The following ATG4C variants were observed in gnomAD, a reference collection of about 807,000 sequenced individuals.
ATG4C encodes the protein autophagy related 4C cysteine peptidase.
A neutral mutation model predicts 57.6 loss-of-function variants in ATG4C; 56 were observed. The ratio of observed to expected loss-of-function variants is 0.97; its 90% CI spans 0.78 to 1.21. ATG4C has a LOEUF of 1.21. Ranked by LOEUF, ATG4C falls within the 50% of genes most tolerant of loss-of-function variation. The probability of loss-of-function intolerance (pLI) is 0.00; values close to 1 mark genes in which losing one functional copy is unlikely to be tolerated. For synonymous variants in ATG4C, 157 were observed against 174.1 expected, an observed-to-expected ratio of 0.90 and a Z score of 0.78; for missense variants, 595 against 529.8, an observed-to-expected ratio of 1.12 and a Z score of -1.21.
chr1:62,792,242 G>A (rs1664300717), intron 1 of ATG4C, among the ~76,000 whole-genome samples: 1 of 152,020 alleles, frequency 6.6e-6, no homozygotes, highest in African/African-American at 2.4e-5. Flanking sequence ...TGATCCACCC[G>A]CCTCGGCCTC....
At chr1:62,805,404 T>C (rs964663686) in intron 3 of ATG4C, 149 bp downstream of exon 3, 3 of 1,190,200 alleles carry the variant, frequency 2.5e-6, no homozygotes, top group African/African-American at 1.6e-5. Flanking sequence ...ACTATGTTGT[T>C]TGGGTTTCTT....
At chr1:62,803,679 A>G (rs1009127924) in intron 1 of ATG4C, 40 bp from the exon 2 acceptor site, 4 of 616,956 alleles carry the variant, frequency 6.5e-6, no homozygotes, top group Non-Finnish European at 1.1e-5. Flanking sequence ...ATGTAACCAT[A>G]TATGTAGTAA....
intron 9 of ATG4C, among the ~76,000 whole-genome samples, chr1:62,838,649 G>A (rs1396242326): frequency 6.6e-6 from 1 of 151,994 alleles, no homozygotes; most frequent in African/African-American, 2.4e-5. Context: ...GCGTGGTGGT[G>A]CGCACCTGTA....
At chr1:62,830,334 T>A (rs1372829160) in intron 7 of ATG4C, among the ~76,000 whole-genome samples, 3 of 152,142 alleles carry the variant, frequency 2.0e-5, no homozygotes, top group Non-Finnish European at 2.9e-5. Context: ...GTTTTGAGAC[T>A]TCTGACATGT....
At chr1:62,826,392 T>G (rs1665656439) in intron 6 of ATG4C, among the ~76,000 whole-genome samples, 1 of 151,578 alleles carries the variant, frequency 6.6e-6, no homozygotes, top group Non-Finnish European at 1.5e-5. Flanking sequence ...CCCGCCACCA[T>G]GCCTGGCTAA....
intron 10 of ATG4C, among the ~76,000 whole-genome samples, chr1:62,850,854 GTATATATATATATATATATATATA>G (rs1161449502): frequency 6.9e-4 from 58 of 84,150 alleles, no homozygotes; most frequent in East Asian, 2.8e-3. Flanking sequence ...GTGTATGTAT[GTATATATATATATATATATATATA>G]TATATATATA....
intron 10 of ATG4C, among the ~76,000 whole-genome samples, chr1:62,843,055 C>G (rs374588942): frequency 6.6e-6 from 1 of 152,000 alleles, no homozygotes; most frequent in East Asian, 1.9e-4. Flanking sequence ...TGTTTCCATT[C>G]ATGTATTTTC....
intron 1 of ATG4C, among the ~76,000 whole-genome samples, chr1:62,798,155 A>G (rs1464260872): frequency 6.6e-6 from 1 of 152,180 alleles, no homozygotes; most frequent in Non-Finnish European, 1.5e-5. Flanking sequence ...GATTTAAAAA[A>G]TAATTTAAAT....
chr1:62,829,180 T>C lies in ATG4C; in HGVS notation c.933+4T>C, dbSNP rs182563247. 6.2e-7 allele frequency: 1 copy of C among 1,611,966 alleles called. No homozygotes were observed. Among genetic ancestry groups the C allele is most frequent in the Admixed American group, 1.7e-5 (1 of 59,866 alleles). ...CGACTACTTAGAATTTGTGAAGGTATGAAATAAGTGCTGAACTTTTTTAGG... is the reference window on the plus strand; with the variant it reads ...CGACTACTTAGAATTTGTGAAGGTACGAAATAAGTGCTGAACTTTTTTAGG... On this transcript the variant is annotated splice_donor_region_variant and intron_variant, in intron 7 of 10. Coordinates refer to ENST00000317868, the MANE Select transcript of ATG4C (RefSeq NM_032852.4).
chr1:62,800,429 TC>T (rs1664620244), intron 1 of ATG4C, among the ~76,000 whole-genome samples: 1 of 152,114 alleles, frequency 6.6e-6, no homozygotes, highest in Non-Finnish European at 1.5e-5. Context: ...CTCCCTTCAT[TC>T]CCCCTTCGCT....
rs1666970474 is a variant in ATG4C, at chr1:62,865,292, C to A, written c.*1133C>A. 6.6e-6 allele frequency: 1 copy of A among 151,724 alleles called. No individual in the cohort carries two copies. Among genetic ancestry groups the A allele is most frequent in the African/African-American group, 2.4e-5 (1 of 41,354 alleles). 9.4% of individuals were successfully genotyped at this position (151,724 alleles called of 1,614,324 possible). A position where few individuals can be genotyped will look rare whatever the true frequency, so the allele number is the denominator to read the frequency against. On this transcript the variant is annotated 3_prime_UTR_variant, in exon 11 of 11. Coordinates refer to ENST00000317868, the MANE Select transcript of ATG4C (RefSeq NM_032852.4). ...ACAATATTAATTTTTTTAAGTGGAGCTTTCATGTTTCAGTGTAGAAACGTG... is the reference window on the plus strand; with the variant it reads ...ACAATATTAATTTTTTTAAGTGGAGATTTCATGTTTCAGTGTAGAAACGTG...
intron 10 of ATG4C, among the ~76,000 whole-genome samples, chr1:62,859,451 A>C (rs1666782961): frequency 6.6e-6 from 1 of 152,202 alleles, no homozygotes; most frequent in Admixed American, 6.5e-5. Context: ...AAACATAGAA[A>C]AGATATTATA....
At chr1:62,818,621 T>A (rs1195023476) in intron 4 of ATG4C, among the ~76,000 whole-genome samples, 1 of 152,158 alleles carries the variant, frequency 6.6e-6, no homozygotes, top group Admixed American at 6.5e-5. Context: ...AGAAACATCA[T>A]TGATATTTGG....
chr1:62,857,453 T>A (rs1332067845), intron 10 of ATG4C, among the ~76,000 whole-genome samples: 1 of 152,180 alleles, frequency 6.6e-6, no homozygotes, highest in East Asian at 1.9e-4. Context: ...GGGCTCCCAT[T>A]GATTCTACAT....
chr1:62,831,495 A>G (rs1253093766), intron 7 of ATG4C, among the ~76,000 whole-genome samples: 7 of 152,198 alleles, frequency 4.6e-5, no homozygotes, highest in African/African-American at 1.7e-4. Context: ...TTGTATGAGA[A>G]GAAGGAAATT....
chr1:62,830,241 TG>T (rs946093635), intron 7 of ATG4C, among the ~76,000 whole-genome samples: 1 of 152,164 alleles, frequency 6.6e-6, no homozygotes, highest in Non-Finnish European at 1.5e-5. Context: ...GGTAAGGTTT[TG>T]ATGTCTGACA....
At chr1:62,836,972 T>G (rs563269170) in intron 9 of ATG4C, among the ~76,000 whole-genome samples, 1 of 152,286 alleles carries the variant, frequency 6.6e-6, no homozygotes, top group African/African-American at 2.4e-5. Flanking sequence ...AGTGTTGAAT[T>G]TCTACATTTC....
intron 10 of ATG4C, among the ~76,000 whole-genome samples, chr1:62,844,691 C>T (rs1270352860): frequency 6.6e-6 from 1 of 151,912 alleles, no homozygotes; most frequent in East Asian, 1.9e-4. Flanking sequence ...GTGTTATCTT[C>T]CACCAATCTT....
rs139525404 is a variant in ATG4C, at chr1:62,822,175, A to G, written c.796+966A>G. 2.0e-5 allele frequency among the ~76,000 whole-genome samples: 3 copies of G among 152,300 alleles called. No individual in the cohort carries two copies. The East Asian group carries it at 5.8e-4, about 29-fold the overall frequency. ...GTTTTAGAAAAGTTAAATATACTTCAATCATGTTTTAATACAAGGGTATCT... is the reference window on the plus strand; with the variant it reads ...GTTTTAGAAAAGTTAAATATACTTCGATCATGTTTTAATACAAGGGTATCT... On this transcript the variant is annotated intron_variant, in intron 6 of 10. Coordinates refer to ENST00000317868, the MANE Select transcript of ATG4C (RefSeq NM_032852.4).
Sources: allele counts gnomAD v4.1 joint callset (sites outside exome capture counted in the v4.1 genomes callset), GRCh38; gene constraint gnomAD v4.1.1; transcripts MANE v1.5; gene names NCBI Gene and HGNC (gene_info 2026-07-23, HGNC 2026-07-21).